The following UTS2B variants were observed in gnomAD, a reference collection of about 807,000 sequenced individuals.
The protein encoded by UTS2B is urotensin-2B.
Under a neutral mutation model 19.2 loss-of-function variants are expected in UTS2B, and 21 were observed. The observed-to-expected ratio is 1.09, with a 90% confidence interval of 0.78 to 1.58. The LOEUF is 1.58. Among genes scored for constraint, UTS2B ranks in the 40% most tolerant of loss-of-function variants. The pLI, the probability that UTS2B is intolerant of heterozygous loss-of-function variation, is 0.00. For missense variants in UTS2B, 138 were observed against 130.3 expected, an observed-to-expected ratio of 1.06 and a Z score of -0.29; for synonymous variants, 57 against 50.2, an observed-to-expected ratio of 1.14 and a Z score of -0.58.
intron 3 of UTS2B, among the ~76,000 whole-genome samples, chr3:191,309,213 G>T (rs575373716): frequency 6.6e-6 from 1 of 152,284 alleles, no homozygotes; most frequent in South Asian, 2.1e-4. Flanking sequence ...CCAGGCTGGA[G>T]TGCAGTGGTG....
At chr3:191,289,363 T>G (rs143495077) in intron 4 of UTS2B, among the ~76,000 whole-genome samples, 3 of 151,398 alleles carry the variant, frequency 2.0e-5, no homozygotes, top group South Asian at 2.1e-4. Context: ...GAGTGGAGAT[T>G]GCGCCACTGC....
chr3:191,345,528 A>G, the UTS2B span, among the ~76,000 whole-genome samples: 1 of 152,070 alleles, frequency 6.6e-6, no homozygotes, highest in South Asian at 2.1e-4. Flanking sequence ...CCAATAAGTT[A>G]CCCACTTTAC....
At chr3:191,306,790 T>C (rs149641086) in intron 3 of UTS2B, among the ~76,000 whole-genome samples, 2 of 152,230 alleles carry the variant, frequency 1.3e-5, no homozygotes, top group Non-Finnish European at 2.9e-5. Context: ...CACACCACCA[T>C]ACCAGCTAAT....
chr3:191,275,826 A>G (rs940995757), intron 7 of UTS2B, among the ~76,000 whole-genome samples: 9 of 152,192 alleles, frequency 5.9e-5, no homozygotes, highest in Non-Finnish European at 1.2e-4. Context: ...GAAGAAAAAA[A>G]CAAAAAAGAG....
upstream of UTS2B, among the ~76,000 whole-genome samples, chr3:191,334,616 A>G (rs368987509): frequency 1.3e-5 from 2 of 152,108 alleles, no homozygotes; most frequent in African/African-American, 4.8e-5. Flanking sequence ...AGAATTAGAA[A>G]AGTTTAGAAC....
intron 2 of UTS2B, among the ~76,000 whole-genome samples, chr3:191,321,198 T>C (rs938364344): frequency 8.6e-5 from 13 of 152,040 alleles, no homozygotes; most frequent in African/African-American, 3.1e-4. Context: ...TAAGTGTGTG[T>C]GGGGAGGGGT....
chr3:191,316,556 A>C (rs1327602112), intron 2 of UTS2B, 117 bp from the exon 3 acceptor site: 1 of 152,192 alleles, frequency 6.6e-6, no homozygotes, highest in Non-Finnish European at 1.5e-5. Context: ...CATCCTGCTG[A>C]TCGGTACATT....
At chr3:191,289,101 C>T (rs937481535) in intron 4 of UTS2B, among the ~76,000 whole-genome samples, 8 of 152,186 alleles carry the variant, frequency 5.3e-5, no homozygotes, top group Admixed American at 5.2e-4. Context: ...AGCATTCCCA[C>T]TACTGTTTAT....
chr3:191,300,229 T>C (rs1215783435), intron 4 of UTS2B, among the ~76,000 whole-genome samples: 1 of 151,976 alleles, frequency 6.6e-6, no homozygotes, highest in Non-Finnish European at 1.5e-5. Context: ...TTTGTATTTT[T>C]AGTAGACATG....
At chr3:191,301,404 A>G (rs998990024) in intron 4 of UTS2B, among the ~76,000 whole-genome samples, 3 of 152,028 alleles carry the variant, frequency 2.0e-5, no homozygotes, top group South Asian at 2.1e-4. Context: ...AGATTCTTCA[A>G]TGTTATCAAA....
intron 2 of UTS2B, among the ~76,000 whole-genome samples, chr3:191,323,320 C>T (rs1717659512): frequency 6.6e-6 from 1 of 152,030 alleles, no homozygotes; most frequent in African/African-American, 2.4e-5. Context: ...CAGGCATGGA[C>T]ACCATGCCCA....
chr3:191,285,305 T>C (rs1275444266), intron 4 of UTS2B, among the ~76,000 whole-genome samples: 1 of 152,146 alleles, frequency 6.6e-6, no homozygotes, highest in Non-Finnish European at 1.5e-5. Context: ...TATTTTAGCT[T>C]CACGGTAAGC....
chr3:191,287,422 A>T (rs1394071740), intron 4 of UTS2B, among the ~76,000 whole-genome samples: 1 of 152,152 alleles, frequency 6.6e-6, no homozygotes, highest in Non-Finnish European at 1.5e-5. Flanking sequence ...AGTGTGATTT[A>T]TCCTAGGGAT....
intron 3 of UTS2B, among the ~76,000 whole-genome samples, chr3:191,311,106 G>A (rs1717289704): frequency 6.6e-6 from 1 of 152,218 alleles, no homozygotes; most frequent in South Asian, 2.1e-4. Context: ...CTGAGCAACA[G>A]ACTGGGATCA....
At chr3:191,305,180 A>T (rs1241608156) in intron 3 of UTS2B, among the ~76,000 whole-genome samples, 1 of 152,168 alleles carries the variant, frequency 6.6e-6, no homozygotes, top group Admixed American at 6.5e-5. Flanking sequence ...TTGGGTATAT[A>T]CCTAGTAATG....
chr3:191,323,462 C>T (rs970996140), intron 2 of UTS2B, among the ~76,000 whole-genome samples: 1 of 152,152 alleles, frequency 6.6e-6, no homozygotes, highest in Admixed American at 6.5e-5. Flanking sequence ...AGCTATCGCG[C>T]CTGACCTCAG....
At chr3:191,290,037 ATGT>A (rs1279397691) in intron 4 of UTS2B, among the ~76,000 whole-genome samples, 1 of 152,244 alleles carries the variant, frequency 6.6e-6, no homozygotes, top group Non-Finnish European at 1.5e-5. Context: ...TCAATACATC[ATGT>A]TGTACACAAT....
At chr3:191,312,805 T>A (rs755738437) in intron 3 of UTS2B, among the ~76,000 whole-genome samples, 17 of 152,182 alleles carry the variant, frequency 1.1e-4, no homozygotes, top group Non-Finnish European at 2.2e-4. Flanking sequence ...TCAATTATAT[T>A]TGCCTGGGGC....
chr3:191,293,546 A>T (rs913038769), intron 4 of UTS2B, among the ~76,000 whole-genome samples: 15 of 151,986 alleles, frequency 9.9e-5, no homozygotes, highest in African/African-American at 3.6e-4. Flanking sequence ...TTCCTTTGTA[A>T]CTATTTTGTC....
Sources: allele counts gnomAD v4.1 joint callset (sites outside exome capture counted in the v4.1 genomes callset), GRCh38; gene constraint gnomAD v4.1.1; transcripts MANE v1.5; gene names NCBI Gene and HGNC (gene_info 2026-07-23, HGNC 2026-07-21).